Variants in DNAI7 observed in about 807,000 individuals in gnomAD.
DNAI7 encodes the protein dynein axonemal intermediate chain 7.
DNAI7 carries 78 observed loss-of-function variants against 86.6 expected under a neutral mutation model. The observed-to-expected ratio is 0.90, with a 90% CI of 0.75 to 1.09. DNAI7 has a LOEUF of 1.09. DNAI7 is among the 50% of genes least tolerant of loss of function. The pLI is 0.00. For missense variants in DNAI7, 753 were observed against 810.2 expected, an observed-to-expected ratio of 0.93 and a Z score of 0.86; for synonymous variants, 274 against 273.0, an observed-to-expected ratio of 1.00 and a Z score of -0.04.
intron 9 of DNAI7, among the ~76,000 whole-genome samples, chr12:25,125,982 G>A (rs147933737): frequency 1.2e-4 from 19 of 152,218 alleles, no homozygotes; most frequent in African/African-American, 3.9e-4. Flanking sequence ...GCCTGTTTCT[G>A]TACCAGTACC....
At chr12:25,156,110 CA>C (rs71065914) in intron 4 of DNAI7, among the ~76,000 whole-genome samples, 97,549 of 145,568 alleles carry the variant, frequency 0.67, 35,379 homozygotes, top group East Asian at 0.99. Flanking sequence ...AATCACGTTA[CA>C]AAAAAAAAAA....
At chr12:25,195,037 G>A (rs372320449) in intron 1 of DNAI7, 39 bp downstream of exon 1, 3 of 1,614,068 alleles carry the variant, frequency 1.9e-6, no homozygotes, top group Non-Finnish European at 2.5e-6. Context: ...AGAATCAGTG[G>A]TCGCCCCTCC....
chr12:25,151,043 T>C (rs1592446177), intron 6 of DNAI7, among the ~76,000 whole-genome samples: 1 of 152,210 alleles, frequency 6.6e-6, no homozygotes, highest in Non-Finnish European at 1.5e-5. Context: ...GAACAACTAG[T>C]AAGTGGCAGA....
At chr12:25,167,191 C>T (rs1004157146) in intron 2 of DNAI7, among the ~76,000 whole-genome samples, 2 of 152,208 alleles carry the variant, frequency 1.3e-5, no homozygotes, top group African/African-American at 4.8e-5. Flanking sequence ...TACAAGCCAC[C>T]AGCCCACCTC....
At chr12:25,165,692 G>C (rs1332872583) in intron 2 of DNAI7, among the ~76,000 whole-genome samples, 7 of 152,184 alleles carry the variant, frequency 4.6e-5, no homozygotes, top group Non-Finnish European at 8.8e-5. Flanking sequence ...TCACAGTGGA[G>C]AGTAAGTCTG....
intron 10 of DNAI7, 100 bp from the exon 11 acceptor site, chr12:25,122,013 T>C: frequency 2.5e-6 from 2 of 793,540 alleles, no homozygotes. Flanking sequence ...GAAGTTTCTA[T>C]TCAACCAGCT....
intron 12 of DNAI7, among the ~76,000 whole-genome samples, chr12:25,116,573 C>A (rs1042487956): frequency 5.9e-5 from 9 of 152,072 alleles, no homozygotes; most frequent in Admixed American, 5.9e-4. Flanking sequence ...GATCTCAGCT[C>A]GCTACACCCT....
At position 25,108,439 on chromosome 12, in the gene DNAI7, A is replaced by T. The variant is rs1457354047; in HGVS notation, c.*109T>A. On this transcript the variant is annotated 3_prime_UTR_variant, in exon 16 of 16. Coordinates refer to ENST00000395987, the MANE Select transcript of DNAI7 (RefSeq NM_018272.5). Reference sequence around the variant, plus strand: ...AGAAAATGCAGATTAGAAAATTTTTAATAGTTGATTTGAAATGTATTCATT... The same window carrying T: ...AGAAAATGCAGATTAGAAAATTTTTTATAGTTGATTTGAAATGTATTCATT... 3.2e-6 allele frequency: 3 copies of T among 942,000 alleles called. No individual in the cohort carries two copies. Among genetic ancestry groups the T allele is most frequent in the African/African-American group, 3.4e-5 (2 of 59,610 alleles). The allele number at this position is 942,000 out of a possible 1,614,324, so 58.4% of individuals were successfully genotyped here. A position where few individuals can be genotyped will look rare whatever the true frequency, so the allele number is the denominator to read the frequency against.
chr12:25,113,282 T>TTGC (rs1334937293), intron 13 of DNAI7, among the ~76,000 whole-genome samples: 18 of 35,168 alleles, frequency 5.1e-4, no homozygotes, highest in African/African-American at 4.0e-3. Context: ...GTTGTTGCTG[T>TTGC]TGTTGTTGTT....
Position 25,110,116 on chromosome 12 carries a change from A to G in DNAI7, c.1893+11T>C. ...GGACAAAGTAGTTTTATGGGTTTCTACATATCATACCTTAAATACGACTTT... is the reference window on the plus strand; with the variant it reads ...GGACAAAGTAGTTTTATGGGTTTCTGCATATCATACCTTAAATACGACTTT... On this transcript the variant is annotated intron_variant, in intron 15 of 15. Coordinates refer to ENST00000395987, the MANE Select transcript of DNAI7 (RefSeq NM_018272.5). The G allele has an allele frequency of 1.5e-6, 2 of 1,375,114 alleles. No homozygotes were observed. Among genetic ancestry groups the G allele is most frequent in the South Asian group, 2.3e-5 (2 of 85,500 alleles). The allele number at this position is 1,375,114 out of a possible 1,614,324, so 85.2% of individuals were successfully genotyped here. A position where few individuals can be genotyped will look rare whatever the true frequency, so the allele number is the denominator to read the frequency against.
rs1270387268 is a variant in DNAI7 at position 25,174,495 on chromosome 12, TCC to T, written c.22-13300_22-13299del. On this transcript the variant is annotated intron_variant, in intron 2 of 15. Transcript: ENST00000395987. Reference sequence around the variant, plus strand: ...ATATATGGGATATATATATCATATATCCCATATATATGGGATATATATATCAT... The same window carrying T: ...ATATATGGGATATATATATCATATATCATATATATGGGATATATATATCAT... Among the ~76,000 whole-genome samples, 17 of 49,938 alleles carry T rather than the reference TCC, an allele frequency of 3.4e-4. 7 individuals are homozygous for T. Among genetic ancestry groups the T allele is most frequent in the Middle Eastern group, 0.04 (2 of 50 alleles). 32.8% of individuals were successfully genotyped at this position (49,938 alleles called of 152,430 possible). A position where few individuals can be genotyped will look rare whatever the true frequency, so the allele number is the denominator to read the frequency against.
intron 7 of DNAI7, among the ~76,000 whole-genome samples, chr12:25,148,807 T>C (rs1007400146): frequency 6.6e-6 from 1 of 152,184 alleles, no homozygotes; most frequent in Non-Finnish European, 1.5e-5. Flanking sequence ...TTTCATACAA[T>C]GTCATTAGTC....
chr12:25,107,863 A>G, downstream of DNAI7: 1 of 1,614,100 alleles, frequency 6.2e-7, no homozygotes, highest in Non-Finnish European at 8.5e-7. Flanking sequence ...GTCCTCCATC[A>G]GAAAGGCTAA....
chr12:25,121,776 C>G lies in DNAI7; in HGVS notation c.1216G>C (p.Val406Leu). ...ILELPPQCKP[V>L]KGWMIVEILK... is the part of the protein sequence containing the mutation. ...ACTTCCACAATCATCCATCCCTTCACTGGTTTACACTGTGGAGGAAGCTCC... is the reference window on the plus strand; with the variant it reads ...ACTTCCACAATCATCCATCCCTTCAGTGGTTTACACTGTGGAGGAAGCTCC... Residue 406 changes from valine (V) to leucine (L), a missense_variant, in exon 11 of 16, where the codon GTG (valine) becomes CTG (leucine). By Grantham distance (32) the Val-to-Leu change is conservative. Transcript: ENST00000395987. The G allele has an allele frequency of 6.2e-7, 1 of 1,600,400 alleles. No individual in the cohort carries two copies. The highest frequency in any genetic ancestry group is 8.5e-7 in the Non-Finnish European group (1 of 1,176,740).
At chr12:25,153,032 T>C (rs1945743771) in intron 6 of DNAI7, among the ~76,000 whole-genome samples, 1 of 152,222 alleles carries the variant, frequency 6.6e-6, no homozygotes, top group Non-Finnish European at 1.5e-5. Flanking sequence ...TAGCCCTTGT[T>C]ACTCTATAAT....
At chr12:25,169,508 G>C (rs770111020) in intron 2 of DNAI7, among the ~76,000 whole-genome samples, 3 of 152,164 alleles carry the variant, frequency 2.0e-5, no homozygotes, top group African/African-American at 7.2e-5. Flanking sequence ...TCACACGGAC[G>C]AGAGTGAAAC....
At chr12:25,186,003 TC>T (rs1411884754) in intron 2 of DNAI7, among the ~76,000 whole-genome samples, 1 of 152,220 alleles carries the variant, frequency 6.6e-6, no homozygotes, top group African/African-American at 2.4e-5. Context: ...AATGCCATTT[TC>T]TTCATTGGAA....
chr12:25,129,678 C>T (rs998134555), intron 9 of DNAI7, among the ~76,000 whole-genome samples: 7 of 152,306 alleles, frequency 4.6e-5, no homozygotes, highest in African/African-American at 1.7e-4. Flanking sequence ...CCATGCTACA[C>T]CAAAAGATTC....
chr12:25,143,093 T>G (rs1266413673), intron 9 of DNAI7, among the ~76,000 whole-genome samples: 1 of 152,190 alleles, frequency 6.6e-6, no homozygotes, highest in Non-Finnish European at 1.5e-5. Context: ...ATTTCCCTCC[T>G]CTCTAAAATA....
Sources: gnomAD v4.1 joint callset for allele counts (sites outside exome capture counted in the v4.1 genomes callset) on GRCh38, gnomAD v4.1.1 for gene constraint, MANE v1.5 for transcripts, NCBI Gene and HGNC (gene_info 2026-07-23, HGNC 2026-07-21) for gene names.